Variants in TARBP1 observed in about 807,000 individuals in gnomAD.
The protein encoded by TARBP1 is tRNA guanosine 2 -O-methyltransferase TARBP1, also known as tRNA (guanosine(18)-2'-O)-methyltransferase TARBP1.
In TARBP1, 144 loss-of-function variants were observed where a neutral mutation model predicts 178.6. The observed-to-expected ratio is 0.81, with a 90% CI of 0.70 to 0.93. The LOEUF (loss-of-function observed/expected upper bound fraction) is 0.93, where lower values mean the gene tolerates loss of function less well. Among genes scored for constraint, TARBP1 ranks in the 40% least tolerant of loss-of-function variants. The pLI, the probability that TARBP1 is intolerant of heterozygous loss-of-function variation, is 0.00. For synonymous variants in TARBP1, 787 were observed against 781.0 expected (o/e 1.01, Z -0.13); for missense variants, 2,067 against 2,011.7 (o/e 1.03, Z -0.53).
At chr1:234,413,453 G>A (rs540035681) in intron 22 of TARBP1, among the ~76,000 whole-genome samples, 19 of 151,356 alleles carry the variant, frequency 1.3e-4, no homozygotes, top group African/African-American at 3.6e-4. Flanking sequence ...TAGCTTGGGC[G>A]ACAAGAACGA....
chr1:234,465,024 G>A (rs1258136697), intron 5 of TARBP1, among the ~76,000 whole-genome samples: 1 of 152,066 alleles, frequency 6.6e-6, no homozygotes, highest in Non-Finnish European at 1.5e-5. Context: ...AAAACTGGAC[G>A]TCCTGGTGTG....
chr1:234,392,354 G>C, intron 29 of TARBP1, 62 bp downstream of exon 29: 1 of 1,570,016 alleles, frequency 6.4e-7, no homozygotes, highest in Non-Finnish European at 8.6e-7. Flanking sequence ...AAAAAAACAA[G>C]GTAACATCTT....
intron 25 of TARBP1, among the ~76,000 whole-genome samples, chr1:234,400,083 A>C (rs1660533880): frequency 6.6e-6 from 1 of 152,044 alleles, no homozygotes; most frequent in South Asian, 2.1e-4. Context: ...GAAGAGATAC[A>C]GTTCCTATGA....
Position 234,478,276 on chromosome 1 carries a change from C to T in TARBP1, c.828G>A (p.Ala276=). The change falls in exon 1 of 30, where the codon GCG becomes GCA. Residue 276 remains alanine (A), a synonymous_variant. Transcript: ENST00000040877. ...GCGCTCGCTTGCGCGTCAGGGCGTC[C>T]GCCTGGCCCAGCCCCGCCTGCACCG... ...WRTVQAGLGQ[A]DALTRKRARY... is the part of the protein sequence containing the mutation. The T allele has an allele frequency of 6.3e-7, 1 of 1,588,082 alleles. No individual in the cohort carries two copies.
intron 28 of TARBP1, among the ~76,000 whole-genome samples, 198 bp downstream of exon 28, chr1:234,393,164 A>T (rs1308710772): frequency 6.6e-6 from 1 of 152,244 alleles, no homozygotes; most frequent in Non-Finnish European, 1.5e-5. Flanking sequence ...AGTGAGCTGT[A>T]TGTTATTTTT....
chr1:234,428,550 C>CT (rs201444380), intron 17 of TARBP1, among the ~76,000 whole-genome samples: 15,167 of 146,468 alleles, frequency 0.1, 1,150 homozygotes, highest in East Asian at 0.32. Flanking sequence ...GATTTCCCAA[C>CT]TTTTTTTTTT....
chr1:234,415,919 C>A (rs1662366881), intron 22 of TARBP1, among the ~76,000 whole-genome samples: 1 of 152,234 alleles, frequency 6.6e-6, no homozygotes. Context: ...TTCCCCACTA[C>A]CTTTTTTGAA....
At chr1:234,396,460 C>T (rs1006149456) in intron 26 of TARBP1, among the ~76,000 whole-genome samples, 5 of 152,158 alleles carry the variant, frequency 3.3e-5, no homozygotes, top group Admixed American at 1.3e-4. Flanking sequence ...TCTCACCCTC[C>T]GTCCCTCTCT....
intron 9 of TARBP1, among the ~76,000 whole-genome samples, chr1:234,455,447 C>T (rs565905640): frequency 1.3e-4 from 20 of 152,258 alleles, no homozygotes; most frequent in Admixed American, 3.3e-4. Context: ...GGTACAACCA[C>T]CAGATGGAAT....
In TARBP1 at chr1:234,413,488, A is replaced by AACAAC. The variant is rs1216927538; in HGVS notation, c.3706-2958_3706-2957insGTTGT. On this transcript the variant is annotated intron_variant, in intron 22 of 29. Transcript: ENST00000040877. The stretch of plus-strand genomic sequence containing the variant: ...AAACTCCATTGCAAAAACAAAACAA[A>AACAAC]ACACATTGTTTACACCGCTAAGCTT... Among the ~76,000 whole-genome samples the AACAAC allele has an allele frequency of 2.6e-5, 4 of 152,048 alleles. No individual in the cohort carries two copies. The South Asian group carries it at 6.2e-4, about 24-fold the overall frequency.
In TARBP1 at chr1:234,429,475, C is replaced by G. The variant is rs753803199; in HGVS notation, c.2812G>C (p.Val938Leu). ...TLQSALEALT[V>L]LSSDQVLPVF... ...GGTAAAACTTGATCAGAAGAAAGAA[C>G]TGTGAGGGCTTCTAGTGCAGACTGC... Residue 938 changes from valine to leucine, a missense_variant, in exon 16 of 30, where the codon GTT becomes CTT. Coordinates refer to ENST00000040877, the MANE Select transcript of TARBP1 (RefSeq NM_005646.4). 16 of 1,613,972 alleles carry G rather than the reference C, an allele frequency of 9.9e-6. No homozygotes were observed. Among genetic ancestry groups the G allele is most frequent in the African/African-American group, 4.0e-5 (3 of 74,920 alleles).
At chr1:234,392,997 G>A (rs184703111) in intron 28 of TARBP1, among the ~76,000 whole-genome samples, 1,891 of 152,276 alleles carry the variant, frequency 0.012, 40 homozygotes, top group African/African-American at 0.042. Flanking sequence ...GGGATTACAG[G>A]CGTGAGCCAC....
In TARBP1 at chr1:234,437,519, C is replaced by T. The variant is rs270498; in HGVS notation, c.2135-147G>A. 0.038 allele frequency: 18,193 copies of T among 479,844 alleles called. 467 individuals are homozygous for T. Among genetic ancestry groups the T allele is most frequent in the Non-Finnish European group, 0.045 (11,821 of 262,574 alleles). The allele number at this position is 479,844 out of a possible 1,614,324, so 29.7% of individuals were successfully genotyped here. A position where few individuals can be genotyped will look rare whatever the true frequency, so the allele number is the denominator to read the frequency against. ...GCAATAATATAATAATCATTCACCC[C>T]ATGGGGAAAGCTATACTTAATCTTA... On this transcript the variant is annotated intron_variant, in intron 12 of 29. Transcript: ENST00000040877.
chr1:234,391,759 T>C lies in TARBP1; in HGVS notation c.4698-14A>G, dbSNP rs369511473. The C allele has an allele frequency of 6.8e-5, 109 of 1,608,458 alleles. No individual in the cohort carries two copies. In the African/African-American group the frequency reaches 1.4e-3, roughly 21 times the overall value. ...TCACGTTCATTTCTGAGGAAGAAAATGGAAGAAAGATTAGTTTTCCTGTAA... is the reference window on the plus strand; with the variant it reads ...TCACGTTCATTTCTGAGGAAGAAAACGGAAGAAAGATTAGTTTTCCTGTAA... On this transcript the variant is annotated splice_polypyrimidine_tract_variant and intron_variant, in intron 29 of 29. Transcript: ENST00000040877.
chr1:234,467,593 C>A lies in TARBP1; in HGVS notation c.1157G>T (p.Ser386Ile). 6.2e-7 allele frequency: 1 copy of A among 1,609,760 alleles called. No homozygotes were observed. ...HMCIYKRMFESENKILSKEGV... is the reference protein window; with the variant it reads ...HMCIYKRMFEIENKILSKEGV... ...TTCTTTGGACAGGATTTTGTTTTCA[C>A]TTTCAAACATTCTTTTATAAATACA... Residue 386 changes from serine to isoleucine, a missense_variant, in exon 4 of 30, where the codon AGT (serine) becomes ATT (isoleucine). Transcript: ENST00000040877.
At chr1:234,462,630 A>C (rs1667978952) in intron 6 of TARBP1, among the ~76,000 whole-genome samples, 1 of 143,242 alleles carries the variant, frequency 7.0e-6, no homozygotes, top group Non-Finnish European at 1.5e-5. Flanking sequence ...CGGAGGTTGC[A>C]GTGAGCTGAG....
At chr1:234,405,809 G>T in intron 24 of TARBP1, 94 bp downstream of exon 24, 2 of 1,216,308 alleles carry the variant, frequency 1.6e-6, no homozygotes, top group Non-Finnish European at 2.3e-6. Context: ...ATGAGGATGT[G>T]GAAGGAGAAG....
rs186752642 is a variant in TARBP1, at chr1:234,439,373, T to G, written c.2135-2001A>C. Among the ~76,000 whole-genome samples, 16 of 152,208 alleles carry G rather than the reference T, an allele frequency of 1.1e-4. No individual in the cohort carries two copies. In the East Asian group the frequency reaches 3.1e-3, roughly 29 times the overall value. ...GGGAAGGGCCCTATCAGAAGGGAAGTTTCTATATTCACTTCAAGTGGTAAA... is the reference window on the plus strand; with the variant it reads ...GGGAAGGGCCCTATCAGAAGGGAAGGTTCTATATTCACTTCAAGTGGTAAA... On this transcript the variant is annotated intron_variant, in intron 12 of 29. Transcript: ENST00000040877.
chr1:234,446,592 T>A (rs909787140), intron 12 of TARBP1, among the ~76,000 whole-genome samples: 7 of 151,366 alleles, frequency 4.6e-5, no homozygotes, highest in African/African-American at 1.7e-4. Context: ...CACCACTGTA[T>A]CCCCAGCACC....
Sources: allele counts gnomAD v4.1 joint callset (sites outside exome capture counted in the v4.1 genomes callset), GRCh38; gene constraint gnomAD v4.1.1; transcripts MANE v1.5; gene names NCBI Gene and HGNC (gene_info 2026-07-23, HGNC 2026-07-21).